Variants in ACVR1B observed in about 807,000 individuals in gnomAD.
ACVR1B encodes the protein activin A receptor type 1B.
In ACVR1B, 15 loss-of-function variants were observed where a neutral mutation model predicts 55.6. The ratio of observed to expected loss-of-function variants is 0.27; its 90% confidence interval spans 0.18 to 0.42. The LOEUF (loss-of-function observed/expected upper bound fraction) is 0.42. Ranked by LOEUF, ACVR1B falls within the 10% of genes least tolerant of loss-of-function variation. The pLI, the probability that ACVR1B is intolerant of heterozygous loss-of-function variation, is 1.00. For missense variants in ACVR1B, 359 were observed against 670.1 expected (o/e 0.54, Z 5.13); for synonymous variants, 247 against 254.6 (o/e 0.97, Z 0.28).
At chr12:51,963,575 T>G (rs113063332) in intron 1 of ACVR1B, among the ~76,000 whole-genome samples, 10,744 of 152,300 alleles carry the variant, frequency 0.071, 1,057 homozygotes, top group African/African-American at 0.22. Context: ...GTGTGGCTTC[T>G]TTCATGTAAT....
intron 1 of ACVR1B, among the ~76,000 whole-genome samples, chr12:51,960,798 G>A (rs1183220704): frequency 2.0e-5 from 3 of 152,096 alleles, no homozygotes; most frequent in South Asian, 2.1e-4. Flanking sequence ...TCCATCCTAC[G>A]GCTAGATCTA....
intron 1 of ACVR1B, among the ~76,000 whole-genome samples, chr12:51,962,032 T>G (rs1375590385): frequency 6.6e-6 from 1 of 152,178 alleles, no homozygotes; most frequent in Non-Finnish European, 1.5e-5. Flanking sequence ...ACATCAAACG[T>G]CTCTTCTGAG....
chr12:51,980,270 G>A (rs2120651932), intron 3 of ACVR1B, among the ~76,000 whole-genome samples: 1 of 152,282 alleles, frequency 6.6e-6, no homozygotes, highest in Middle Eastern at 3.4e-3. Context: ...GATTAATAAT[G>A]TATTAATTAT....
At chr12:51,971,605 AT>A (rs1164031993) in intron 1 of ACVR1B, among the ~76,000 whole-genome samples, 2 of 152,210 alleles carry the variant, frequency 1.3e-5, no homozygotes, top group African/African-American at 4.8e-5. Context: ...AGAGAATTGA[AT>A]TTAGTGTGCG....
chr12:51,985,407 G>A (rs1214646560), intron 6 of ACVR1B, 59 bp downstream of exon 6: 1 of 1,538,152 alleles, frequency 6.5e-7, no homozygotes, highest in African/African-American at 1.4e-5. Flanking sequence ...TCCCATCTGT[G>A]CCGTTTCCCA....
At chr12:51,953,130 A>T (rs1255228143) in intron 1 of ACVR1B, among the ~76,000 whole-genome samples, 1 of 152,172 alleles carries the variant, frequency 6.6e-6, no homozygotes, top group Non-Finnish European at 1.5e-5. Context: ...CCTGACGTAC[A>T]AAGCCTGATG....
chr12:51,980,552 C>A (rs374908831), intron 3 of ACVR1B, among the ~76,000 whole-genome samples: 11 of 152,182 alleles, frequency 7.2e-5, no homozygotes, highest in African/African-American at 2.7e-4. Context: ...AGGTGGCCCC[C>A]AGCACATGAG....
intron 1 of ACVR1B, among the ~76,000 whole-genome samples, chr12:51,966,497 G>A (rs1347764563): frequency 6.6e-6 from 1 of 152,186 alleles, no homozygotes. Context: ...CACCCAGGCT[G>A]GAGTGCAGTG....
chr12:51,956,384 A>G (rs1247492818), intron 1 of ACVR1B, among the ~76,000 whole-genome samples: 2 of 152,236 alleles, frequency 1.3e-5, no homozygotes, highest in African/African-American at 4.8e-5. Context: ...AGTTTTTGGC[A>G]TGGGGAAATA....
rs774670389 is a variant in ACVR1B, at chr12:51,993,995, T to G, written c.1403T>G (p.Val468Gly). 6.2e-7 allele frequency: 1 copy of G among 1,613,738 alleles called. No homozygotes were observed. Among genetic ancestry groups the G allele is most frequent in the East Asian group, 2.2e-5 (1 of 44,842 alleles). Reference sequence around the variant, plus strand: ...TGGGTCTCTGCACAGGCACTGCGGGTGATGGGGAAGATGATGCGAGAGTGT... The same window carrying G: ...TGGGTCTCTGCACAGGCACTGCGGGGGATGGGGAAGATGATGCGAGAGTGT... ...NWWQSYEALR[V>G]MGKMMRECWY... Residue 468 changes from valine (V) to glycine (G), a missense_variant, in exon 9 of 9, where the codon GTG becomes GGG. By Grantham distance (109) the Val-to-Gly change is moderately radical (BLOSUM62 -3). This residue lies in a region of ACVR1B where 53 missense variants were observed against 78.5 expected (regional missense o/e 0.68). Coordinates refer to ENST00000257963, the MANE Select transcript of ACVR1B (RefSeq NM_004302.5).
Position 51,987,288 on chromosome 12 carries a change from A to G in ACVR1B, c.1261+346A>G, listed in dbSNP as rs1353617105. On this transcript the variant is annotated intron_variant, in intron 7 of 8. Transcript: ENST00000257963. ...TGGTCTCCTTCACATCAGAAGCAGT[A>G]TATTCTAACGCGGTGGCTCCCAAGC... is the stretch of plus-strand genomic sequence containing the variant. 5.0e-6 allele frequency: 3 copies of G among 602,284 alleles called. No homozygotes were observed. In the African/African-American group the frequency reaches 5.6e-5, roughly 11 times the overall value. 37.3% of individuals were successfully genotyped at this position (602,284 alleles called of 1,614,324 possible).
Position 51,985,252 on chromosome 12 carries a change from G to A in ACVR1B, c.1040G>A (p.Gly347Asp), listed in dbSNP as rs2120701632. ...AAGAACATTCTGGTGAAGAAAAATGGCATGTGTGCCATAGCAGACCTGGGC... is the reference window on the plus strand; with the variant it reads ...AAGAACATTCTGGTGAAGAAAAATGACATGTGTGCCATAGCAGACCTGGGC... ...KSKNILVKKN[G>D]MCAIADLGLA... Residue 347 changes from glycine to aspartate, a missense_variant, in exon 6 of 9, where the codon GGC becomes GAC. Gly to Asp is a moderately conservative substitution (Grantham distance 94). Transcript: ENST00000257963. 6.2e-7 allele frequency: 1 copy of A among 1,613,948 alleles called. No individual in the cohort carries two copies. Among genetic ancestry groups the A allele is most frequent in the Non-Finnish European group, 8.5e-7 (1 of 1,179,936 alleles).
chr12:51,952,402 C>G (rs1019081114), intron 1 of ACVR1B, among the ~76,000 whole-genome samples: 1 of 152,182 alleles, frequency 6.6e-6, no homozygotes. Flanking sequence ...CCTCCACTGC[C>G]TCCCTAATGT....
intron 1 of ACVR1B, among the ~76,000 whole-genome samples, chr12:51,953,673 T>C (rs9634266): frequency 0.018 from 2,668 of 152,184 alleles, 66 homozygotes; most frequent in African/African-American, 0.053. Context: ...AATCCTCATA[T>C]AGGAATTTTT....
chr12:51,989,443 G>GC (rs1942146512), intron 7 of ACVR1B, among the ~76,000 whole-genome samples: 1 of 151,170 alleles, frequency 6.6e-6, no homozygotes, highest in African/African-American at 2.4e-5. Flanking sequence ...CACCACCACT[G>GC]CGGGCTGATT....
intron 1 of ACVR1B, among the ~76,000 whole-genome samples, chr12:51,972,605 G>C (rs1455275553): frequency 6.6e-6 from 1 of 152,116 alleles, no homozygotes; most frequent in Non-Finnish European, 1.5e-5. Flanking sequence ...ATTAGGAAAC[G>C]GGTGCGAGAA....
In ACVR1B at chr12:51,994,331, A is replaced by G. The variant is rs1292518080; in HGVS notation, c.*221A>G. 1 of 537,146 alleles carries G rather than the reference A, an allele frequency of 1.9e-6. No individual in the cohort carries two copies. Among genetic ancestry groups the G allele is most frequent in the Non-Finnish European group, 3.3e-6 (1 of 306,212 alleles). 33.3% of individuals were successfully genotyped at this position (537,146 alleles called of 1,614,324 possible). ...ACCTCCTAATGGCATGGAGACTCTG[A>G]GAGCGAATTGTGTGGAGAACTCAGT... On this transcript the variant is annotated 3_prime_UTR_variant, in exon 9 of 9. Transcript: ENST00000257963. The surrounding 1 kb of genome is among the most constrained non-coding windows in gnomAD (Gnocchi z 4.2).
chr12:51,980,992 A>G lies in ACVR1B; in HGVS notation c.604A>G (p.Thr202Ala). The part of the protein sequence containing the change: ...GSGLPLFVQR[T>A]VARTIVLQEI... ...AGGGTTACCCCTCTTTGTCCAGCGC[A>G]CAGTGGCCCGAACCATCGTTTTACA... Residue 202 changes from threonine (T) to alanine (A), a missense_variant, in exon 4 of 9, where the codon ACA (threonine) becomes GCA (alanine). By Grantham distance (58) the Thr-to-Ala change is moderately conservative. Coordinates refer to ENST00000257963, the MANE Select transcript of ACVR1B (RefSeq NM_004302.5). 6.2e-7 allele frequency: 1 copy of G among 1,613,240 alleles called. No individual in the cohort carries two copies. The highest frequency in any genetic ancestry group is 8.5e-7 in the Non-Finnish European group (1 of 1,179,336).
chr12:51,992,321 G>C lies in ACVR1B; in HGVS notation c.1392+328G>C, dbSNP rs904113062. 33 of 425,252 alleles carry C rather than the reference G, an allele frequency of 7.8e-5. 1 individual carries two copies. The South Asian group carries it at 1.6e-3, about 20-fold the overall frequency. The allele number at this position is 425,252 out of a possible 1,614,324, so 26.3% of individuals were successfully genotyped here. The stretch of plus-strand genomic sequence containing the variant: ...GAAGTTCGAGACAAACCTGGGCAAT[G>C]TGGGGAGACCCCATCTCTACAAGAA... On this transcript the variant is annotated intron_variant, in intron 8 of 8. Coordinates refer to ENST00000257963, the MANE Select transcript of ACVR1B (RefSeq NM_004302.5).
Sources: allele counts gnomAD v4.1 joint callset (sites outside exome capture counted in the v4.1 genomes callset), GRCh38; gene constraint gnomAD v4.1.1; regional missense constraint gnomAD v4.1.1; non-coding constraint Gnocchi (gnomAD v3.1); transcripts MANE v1.5; gene names NCBI Gene and HGNC (gene_info 2026-07-23, HGNC 2026-07-21).